ANXA2R: variants seen among roughly 807,000 people sequenced by gnomAD.
ANXA2R encodes annexin A2 receptor, also known as annexin-2 receptor.
For missense variants in ANXA2R, 244 were observed against 241.5 expected (o/e 1.01, Z -0.07); for synonymous variants, 93 against 93.6 (o/e 0.99, Z 0.04).
In ANXA2R at chr5:43,040,192, T is replaced by G; in HGVS notation, c.-146A>C. ...CTCAGTAGTAACAAATGCACGAAAA[T>G]TAGTAGACAAATGAAAAACGATAAC... On this transcript the variant is annotated 5_prime_UTR_variant, in exon 1 of 1. The change abolishes the stop of an existing upstream ORF in the 5' untranslated region. Coordinates refer to ENST00000616064, the MANE Select transcript of ANXA2R (RefSeq NM_001014279.3). The G allele has an allele frequency of 1.5e-6, 1 of 647,268 alleles. No individual in the cohort carries two copies. Among genetic ancestry groups the G allele is most frequent in the Non-Finnish European group, 2.6e-6 (1 of 382,498 alleles). 40.1% of individuals were successfully genotyped at this position (647,268 alleles called of 1,614,324 possible).
chr5:43,040,851 T>A (rs1742181518), upstream of ANXA2R: 1 of 151,854 alleles, frequency 6.6e-6, no homozygotes, highest in Non-Finnish European at 1.5e-5. Flanking sequence ...ATACTAGCGG[T>A]TGTAGGAGCG....
upstream of ANXA2R, chr5:43,041,562 T>C (rs1742195311): frequency 6.6e-6 from 1 of 150,872 alleles, no homozygotes; most frequent in South Asian, 2.1e-4. Flanking sequence ...CACACAAGCA[T>C]AGCTAAGACA....
At position 43,039,934 on chromosome 5, in the gene ANXA2R, A is replaced by G; in HGVS notation, c.113T>C (p.Leu38Pro). Residue 38 changes from leucine to proline, a missense_variant, in exon 1 of 1, where the codon CTT (leucine) becomes CCT (proline). Transcript: ENST00000616064. ...VSSEDRGPWP[L>P]PLYPVLGEYS... The stretch of plus-strand genomic sequence containing the variant: ...CTCTCCTAGTACTGGATACAAAGGA[A>G]GAGGCCACGGCCCACGATCTTCTGA... 6.2e-7 allele frequency: 1 copy of G among 1,614,226 alleles called. No homozygotes were observed.
upstream of ANXA2R, chr5:43,042,150 T>G (rs888589694): frequency 3.3e-5 from 5 of 152,268 alleles, no homozygotes; most frequent in African/African-American, 1.2e-4. The surrounding 1 kb of genome is among the most constrained non-coding windows in gnomAD (Gnocchi z 5.6). Context: ...GAAGAGACTG[T>G]GCCCCTGCAG....
upstream of ANXA2R, chr5:43,041,303 A>G (rs140918573): frequency 2.6e-5 from 4 of 152,312 alleles, no homozygotes; most frequent in Non-Finnish European, 5.9e-5. Context: ...TACCATTAGA[A>G]TATTTCTGTC....
chr5:43,042,444 A>C (rs1461148941), upstream of ANXA2R: 2 of 152,948 alleles, frequency 1.3e-5, no homozygotes, highest in African/African-American at 4.8e-5. The surrounding 1 kb of genome is among the most constrained non-coding windows in gnomAD (Gnocchi z 5.6). Flanking sequence ...GTCACCAAGA[A>C]ACCGTCGACT....
At position 43,039,382 on chromosome 5, in the gene ANXA2R, T is replaced by C. The variant is rs563322250; in HGVS notation, c.*83A>G. On this transcript the variant is annotated 3_prime_UTR_variant, in exon 1 of 1. Coordinates refer to ENST00000616064, the MANE Select transcript of ANXA2R (RefSeq NM_001014279.3). ...AACCAGCAATGAAAGCACATCTTAA[T>C]GTATTTTTATTTTCTAGGTGGAGAC... is the stretch of plus-strand genomic sequence containing the variant. The C allele has an allele frequency of 2.6e-6, 3 of 1,153,852 alleles. No homozygotes were observed. Among genetic ancestry groups the C allele is most frequent in the South Asian group, 4.0e-5 (2 of 49,438 alleles). 71.5% of individuals were successfully genotyped at this position (1,153,852 alleles called of 1,614,324 possible). A position where few individuals can be genotyped will look rare whatever the true frequency, so the allele number is the denominator to read the frequency against.
chr5:43,041,976 A>G (rs1189984931), upstream of ANXA2R: 6 of 152,286 alleles, frequency 3.9e-5, no homozygotes, highest in African/African-American at 1.4e-4. Flanking sequence ...CTATTCCCCT[A>G]CTTGGACAGA....
rs768373506 is a variant in ANXA2R at position 43,039,443 on chromosome 5, C to A, written c.*22G>T. 7.4e-6 allele frequency: 11 copies of A among 1,485,220 alleles called. No homozygotes were observed. The highest frequency in any genetic ancestry group is 9.9e-6 in the Non-Finnish European group (11 of 1,115,680). The allele number at this position is 1,485,220 out of a possible 1,614,324, so 92.0% of individuals were successfully genotyped here. A position where few individuals can be genotyped will look rare whatever the true frequency, so the allele number is the denominator to read the frequency against. ...TGAGAATCTTTTCAAGGAGGAGAAT[C>A]CAAAAAGCCTTCTGCTGCTATCTAA... On this transcript the variant is annotated 3_prime_UTR_variant, in exon 1 of 1. Coordinates refer to ENST00000616064, the MANE Select transcript of ANXA2R (RefSeq NM_001014279.3).
chr5:43,041,545 T>G (rs1240555918), upstream of ANXA2R: 5 of 151,780 alleles, frequency 3.3e-5, no homozygotes, highest in Non-Finnish European at 7.4e-5. Flanking sequence ...CACGGGAGTT[T>G]TAAAAACACA....
upstream of ANXA2R, chr5:43,040,322 C>G (rs1489744138): frequency 1.3e-5 from 5 of 373,030 alleles, no homozygotes; most frequent in African/African-American, 4.2e-5. Flanking sequence ...TTGAAGAGAA[C>G]TAGCGCTACA....
At position 43,039,854 on chromosome 5, in the gene ANXA2R, G is replaced by A. The variant is rs368612159; in HGVS notation, c.193C>T (p.Pro65Ser). Residue 65 changes from proline to serine, a missense_variant, in exon 1 of 1, where the codon CCC (proline) becomes TCC (serine). By Grantham distance (74) the Pro-to-Ser change is moderately conservative. Transcript: ENST00000616064. ...GLLSSPCWRLPGVYWQNGLSP... is the reference protein window; with the variant it reads ...GLLSSPCWRLSGVYWQNGLSP... ...AGTCCGTTTTGCCAGTAGACTCCGGGCAGCCGCCAGCAAGGGCTGGAAAGC... is the reference window on the plus strand; with the variant it reads ...AGTCCGTTTTGCCAGTAGACTCCGGACAGCCGCCAGCAAGGGCTGGAAAGC... 18 of 1,614,100 alleles carry A rather than the reference G, an allele frequency of 1.1e-5. No individual in the cohort carries two copies. The highest frequency in any genetic ancestry group is 1.3e-5 in the African/African-American group (1 of 74,928).
In ANXA2R at chr5:43,040,223, A is replaced by G; in HGVS notation, c.-177T>C. 3.3e-6 allele frequency: 2 copies of G among 606,394 alleles called. No homozygotes were observed. Among genetic ancestry groups the G allele is most frequent in the Non-Finnish European group, 5.8e-6 (2 of 345,746 alleles). 37.6% of individuals were successfully genotyped at this position (606,394 alleles called of 1,614,324 possible). On this transcript the variant is annotated 5_prime_UTR_variant, in exon 1 of 1. Transcript: ENST00000616064. Reference sequence around the variant, plus strand: ...GACAAATGAAAAACGATAACATTTTAGAGAGTACATAGAACCAAAACGAAC... The same window carrying G: ...GACAAATGAAAAACGATAACATTTTGGAGAGTACATAGAACCAAAACGAAC...
upstream of ANXA2R, chr5:43,041,062 T>C (rs1257811390): frequency 6.6e-6 from 1 of 151,766 alleles, no homozygotes; most frequent in Non-Finnish European, 1.5e-5. Context: ...GCTCCCCGGC[T>C]CCTGAGAGAA....
At chr5:43,042,542 A>G (rs1320954856), upstream of ANXA2R, 1 of 152,726 alleles carries the variant, frequency 6.5e-6, no homozygotes, top group East Asian at 1.9e-4. The surrounding 1 kb of genome is among the most constrained non-coding windows in gnomAD (Gnocchi z 5.6). Flanking sequence ...GCCGCTGGCG[A>G]AAGAGCCAAC....
chr5:43,040,186 C>T lies in ANXA2R; in HGVS notation c.-140G>A. ...AAGAAACTCAGTAGTAACAAATGCA[C>T]GAAAATTAGTAGACAAATGAAAAAC... is the stretch of plus-strand genomic sequence containing the variant. On this transcript the variant is annotated 5_prime_UTR_variant, in exon 1 of 1. It adds an upstream start codon to the 5' untranslated region. Transcript: ENST00000616064. 1.5e-6 allele frequency: 1 copy of T among 661,356 alleles called. No homozygotes were observed. Among genetic ancestry groups the T allele is most frequent in the Non-Finnish European group, 2.5e-6 (1 of 397,662 alleles). 41.0% of individuals were successfully genotyped at this position (661,356 alleles called of 1,614,324 possible).
At chr5:43,040,980 A>C (rs1742184187), upstream of ANXA2R, 1 of 152,228 alleles carries the variant, frequency 6.6e-6, no homozygotes, top group Admixed American at 6.5e-5. Context: ...CAAAACCGCC[A>C]GCTCTGCATA....
At chr5:43,042,048 C>T (rs1013310074), upstream of ANXA2R, 13 of 152,434 alleles carry the variant, frequency 8.5e-5, no homozygotes, top group Middle Eastern at 0.01. This position sits in a 1 kb window ranked among gnomAD's most constrained non-coding sequence, Gnocchi z 5.6. Context: ...CAACGACGCG[C>T]GAAACCGTGG....
At chr5:43,041,958 C>T (rs933835089), upstream of ANXA2R, 1 of 152,252 alleles carries the variant, frequency 6.6e-6, no homozygotes, top group South Asian at 2.1e-4. Context: ...TGAGAAAATA[C>T]ATTTTGGCTA....
Sources: gnomAD v4.1 joint callset for allele counts on GRCh38, gnomAD v4.1.1 for gene constraint, Gnocchi (gnomAD v3.1) non-coding constraint, MANE v1.5 for transcripts, NCBI Gene and HGNC (gene_info 2026-07-23, HGNC 2026-07-21) for gene names.